The following GABRA3 variants were observed in gnomAD, a reference collection of about 807,000 sequenced individuals.
The protein encoded by GABRA3 is gamma-aminobutyric acid type A receptor subunit alpha3.
Under a neutral mutation model 30.1 loss-of-function variants are expected in GABRA3, and 10 were observed. The observed-to-expected ratio is 0.33, with a 90% confidence interval of 0.20 to 0.56. GABRA3 has a LOEUF of 0.56. Among genes scored for constraint, GABRA3 ranks in the 20% least tolerant of loss-of-function variants. The pLI is 0.89. For synonymous variants in GABRA3, 151 were observed against 146.8 expected, an observed-to-expected ratio of 1.03 and a Z score of -0.21; for missense variants, 233 against 392.0, an observed-to-expected ratio of 0.59 and a Z score of 3.42.
At chrX:152,181,544 C>A (rs1368326559) in intron 9 of GABRA3, among the ~76,000 whole-genome samples, 2 of 109,569 alleles carry the variant, frequency 1.8e-5, no homozygotes, top group Non-Finnish European at 3.8e-5. Flanking sequence ...AATTGGAAAT[C>A]ATCATTCTCA....
chrX:152,370,037 A>T (rs1928791770), intron 1 of GABRA3, among the ~76,000 whole-genome samples: 1 of 111,618 alleles, frequency 9.0e-6, no homozygotes. Context: ...TTCAATAAAA[A>T]ATGGGGATAA....
intron 5 of GABRA3, among the ~76,000 whole-genome samples, chrX:152,241,697 T>C (rs1322428252): frequency 1.8e-5 from 2 of 109,062 alleles, no homozygotes; most frequent in East Asian, 2.9e-4. Flanking sequence ...GTGTGGGATA[T>C]AGTCTCGTGG....
At chrX:152,443,549 T>G (rs1489427127) in intron 1 of GABRA3, among the ~76,000 whole-genome samples, 1 of 111,583 alleles carries the variant, frequency 9.0e-6, no homozygotes, top group Non-Finnish European at 1.9e-5. Context: ...TTCTAGCGGA[T>G]ATAAGAGTGA....
At chrX:152,416,646 A>G (rs1239638322) in intron 1 of GABRA3, among the ~76,000 whole-genome samples, 2 of 111,590 alleles carry the variant, frequency 1.8e-5, no homozygotes, top group East Asian at 2.8e-4. Context: ...CACAGTAACC[A>G]AAACAGCATG....
chrX:152,292,131 A>C (rs1226647493), intron 3 of GABRA3, among the ~76,000 whole-genome samples: 3 of 111,670 alleles, frequency 2.7e-5, no homozygotes, highest in Non-Finnish European at 5.6e-5. Flanking sequence ...TTTGGCTGTG[A>C]ATCCGTCTGG....
intron 4 of GABRA3, among the ~76,000 whole-genome samples, chrX:152,282,616 A>T (rs148473554): frequency 8.9e-6 from 1 of 111,826 alleles, no homozygotes; most frequent in African/African-American, 3.2e-5. Flanking sequence ...CAAGCAAATT[A>T]TAACATGAAA....
chrX:152,402,259 G>A (rs1231761922), intron 1 of GABRA3, among the ~76,000 whole-genome samples: 1 of 111,738 alleles, frequency 8.9e-6, no homozygotes, highest in African/African-American at 3.3e-5. Flanking sequence ...TCTGCAGACT[G>A]TGCCAACGCC....
At chrX:152,179,557 C>T (rs1007605538) in intron 9 of GABRA3, among the ~76,000 whole-genome samples, 9 of 105,400 alleles carry the variant, frequency 8.5e-5, no homozygotes, top group African/African-American at 2.4e-4. Context: ...TGCAGTGGCG[C>T]GATCTCGGCT....
In GABRA3 at chrX:152,166,908, G is replaced by C. The variant is rs765419212; in HGVS notation, c.*1320C>G. 9.0e-6 allele frequency: 1 copy of C among 110,695 alleles called. No individual in the cohort carries two copies. The highest frequency in any genetic ancestry group is 3.9e-4 in the South Asian group (1 of 2,580). 9.1% of individuals were successfully genotyped at this position (110,695 alleles called of 1,213,427 possible). A position where few individuals can be genotyped will look rare whatever the true frequency, so the allele number is the denominator to read the frequency against. ...ATTAAAGACACTTGTAAGGAGCCTA[G>C]GCAAATCATTCAAACTTCTGGGATT... is the stretch of plus-strand genomic sequence containing the variant. On this transcript the variant is annotated 3_prime_UTR_variant, in exon 10 of 10. Coordinates refer to ENST00000370314, the MANE Select transcript of GABRA3 (RefSeq NM_000808.4).
At chrX:152,173,521 A>G (rs1603196047) in intron 9 of GABRA3, among the ~76,000 whole-genome samples, 1 of 111,205 alleles carries the variant, frequency 9.0e-6, no homozygotes, top group East Asian at 2.8e-4. Flanking sequence ...ATCTCGGCTC[A>G]CTGCAATCTC....
In GABRA3 at chrX:152,411,089, C is replaced by T. The variant is rs1352329635; in HGVS notation, c.-27+40057G>A. The stretch of plus-strand genomic sequence containing the variant: ...CTTGGGGAGGCCAAGGTGGGAAGAT[C>T]GCTTGCAACCAGGAGTTCAAGACCA... On this transcript the variant is annotated intron_variant, in intron 1 of 9. Transcript: ENST00000370314. 3.6e-5 allele frequency among the ~76,000 whole-genome samples: 4 copies of T among 111,562 alleles called. No individual in the cohort carries two copies. In the East Asian group the frequency reaches 8.4e-4, roughly 23 times the overall value.
At chrX:152,385,717 T>C (rs181019811) in intron 1 of GABRA3, among the ~76,000 whole-genome samples, 2,443 of 111,863 alleles carry the variant, frequency 0.022, 33 homozygotes, top group South Asian at 0.057. Context: ...AGGGTTTTTA[T>C]GGTTTTGGGT....
chrX:152,239,279 T>A (rs1409845610), intron 5 of GABRA3, among the ~76,000 whole-genome samples: 1 of 106,534 alleles, frequency 9.4e-6, no homozygotes, highest in African/African-American at 3.5e-5. Context: ...AGCAGGTTGT[T>A]CAGTTTCCAT....
chrX:152,238,072 G>A (rs1251908247), intron 5 of GABRA3, among the ~76,000 whole-genome samples: 3 of 107,693 alleles, frequency 2.8e-5, no homozygotes, highest in Non-Finnish European at 5.7e-5. Context: ...TCTTGTGCCA[G>A]TTTTCAAAGG....
chrX:152,294,569 A>G (rs899894936), intron 3 of GABRA3, among the ~76,000 whole-genome samples: 17 of 111,036 alleles, frequency 1.5e-4, no homozygotes, highest in African/African-American at 5.6e-4. Context: ...CAATGGGTTC[A>G]AACATCCTCC....
intron 1 of GABRA3, among the ~76,000 whole-genome samples, chrX:152,449,038 C>T (rs1786479658): frequency 9.0e-6 from 1 of 111,688 alleles, no homozygotes; most frequent in African/African-American, 3.3e-5. Flanking sequence ...AGTCTAATAT[C>T]CAGCATGAAG....
rs1466140212 is a variant in GABRA3, at chrX:152,279,265, T to A, written c.330+5403A>T. 2.7e-5 allele frequency among the ~76,000 whole-genome samples: 3 copies of A among 112,121 alleles called. No individual in the cohort carries two copies. The Admixed American group carries it at 2.8e-4, about 11-fold the overall frequency. On this transcript the variant is annotated intron_variant, in intron 4 of 9. Transcript: ENST00000370314. ...TTAGGTCTAACATTTAAGTCTTTAATCCATCTTGAATTGATTTTTGTCTAA... is the reference window on the plus strand; with the variant it reads ...TTAGGTCTAACATTTAAGTCTTTAAACCATCTTGAATTGATTTTTGTCTAA...
intron 1 of GABRA3, among the ~76,000 whole-genome samples, chrX:152,437,909 T>C (rs1163237693): frequency 1.8e-5 from 2 of 111,894 alleles, no homozygotes; most frequent in Non-Finnish European, 3.8e-5. Context: ...AAAAAAGTCC[T>C]AGAAGACAAA....
intron 3 of GABRA3, among the ~76,000 whole-genome samples, chrX:152,295,302 G>A (rs1402658032): frequency 8.9e-6 from 1 of 112,390 alleles, no homozygotes; most frequent in Non-Finnish European, 1.9e-5. Context: ...GCCCCTAGAG[G>A]TGGAGACTAC....
Sources: gnomAD v4.1 joint callset for allele counts (sites outside exome capture counted in the v4.1 genomes callset) on GRCh38, gnomAD v4.1.1 for gene constraint, MANE v1.5 for transcripts, NCBI Gene and HGNC (gene_info 2026-07-23, HGNC 2026-07-21) for gene names.